Variants in SLC44A1 observed in about 807,000 individuals in gnomAD.
SLC44A1 encodes solute carrier family 44 member 1, also known as choline transporter-like protein 1.
Under a neutral mutation model 79.3 loss-of-function variants are expected in SLC44A1, and 26 were observed. The ratio of observed to expected loss-of-function variants is 0.33; its 90% CI spans 0.24 to 0.46. The LOEUF is 0.46. SLC44A1 is among the 20% of genes least tolerant of loss of function. The pLI, the probability that SLC44A1 is intolerant of heterozygous loss-of-function variation, is 1.00. For synonymous variants in SLC44A1, 263 were observed against 286.2 expected, an observed-to-expected ratio of 0.92 and a Z score of 0.82; for missense variants, 688 against 798.1, an observed-to-expected ratio of 0.86 and a Z score of 1.66.
chr9:105,351,358 AC>A (rs1827398809), intron 5 of SLC44A1, among the ~76,000 whole-genome samples: 1 of 152,044 alleles, frequency 6.6e-6, no homozygotes, highest in Non-Finnish European at 1.5e-5. Flanking sequence ...ACATGGTGGA[AC>A]CTCGTCTCTA....
intron 3 of SLC44A1, among the ~76,000 whole-genome samples, chr9:105,315,277 T>A (rs538131919): frequency 6.6e-6 from 1 of 151,776 alleles, no homozygotes; most frequent in Non-Finnish European, 1.5e-5. Flanking sequence ...GTTTGTTTTT[T>A]TTTTTTTTTT....
At chr9:105,415,539 C>T (rs907839184) in intron 15 of SLC44A1, among the ~76,000 whole-genome samples, 1 of 152,204 alleles carries the variant, frequency 6.6e-6, no homozygotes, top group Non-Finnish European at 1.5e-5. Context: ...TTGGGGTGGT[C>T]GTCCTTGAGA....
chr9:105,245,339 C>T (rs1829410604), intron 1 of SLC44A1, among the ~76,000 whole-genome samples: 1 of 152,268 alleles, frequency 6.6e-6, no homozygotes, highest in African/African-American at 2.4e-5. Flanking sequence ...CTGTGCTCCT[C>T]GCAGGTGTAC....
intron 15 of SLC44A1, among the ~76,000 whole-genome samples, chr9:105,402,939 A>C (rs369281784): frequency 6.7e-6 from 1 of 148,948 alleles, no homozygotes; most frequent in African/African-American, 2.5e-5. Context: ...AGCCTCTAGA[A>C]TAGCTGAGAC....
At chr9:105,273,064 T>C (rs534520285) in intron 1 of SLC44A1, among the ~76,000 whole-genome samples, 9 of 152,174 alleles carry the variant, frequency 5.9e-5, no homozygotes, top group African/African-American at 1.7e-4. Context: ...CGATCTTGGC[T>C]CACTGCAACC....
At chr9:105,280,811 C>T (rs1254829572) in intron 1 of SLC44A1, among the ~76,000 whole-genome samples, 1 of 152,154 alleles carries the variant, frequency 6.6e-6, no homozygotes, top group African/African-American at 2.4e-5. Flanking sequence ...TGCTGATTTC[C>T]ATGGTGTATA....
rs977514663 is a variant in SLC44A1, at chr9:105,245,225, C to G, written c.36+321C>G. On this transcript the variant is annotated intron_variant, in intron 1 of 15. Coordinates refer to ENST00000374720, the MANE Select transcript of SLC44A1 (RefSeq NM_080546.5). ...CGCCCGCCTGCAGGTAGAGGCTGCA[C>G]TGGCGCCTCCTCTGCCCCAGGTGGC... 6.6e-5 allele frequency among the ~76,000 whole-genome samples: 10 copies of G among 152,208 alleles called. 1 individual carries two copies. Among genetic ancestry groups the G allele is most frequent in the Admixed American group, 5.2e-4 (8 of 15,306 alleles).
At position 105,259,076 on chromosome 9, in the gene SLC44A1, G is replaced by A. The variant is rs139745595; in HGVS notation, c.36+14172G>A. Among the ~76,000 whole-genome samples the A allele has an allele frequency of 5.3e-3, 801 of 152,178 alleles. 6 individuals are homozygous for A. Among genetic ancestry groups the A allele is most frequent in the African/African-American group, 0.019 (775 of 41,514 alleles). On this transcript the variant is annotated intron_variant, in intron 1 of 15. Transcript: ENST00000374720. ...CCTCAAACTATAGAGGCCAGGGTAC[G>A]ACAGTTTGGAGCAGAGTCTGAAAGT...
At position 105,323,165 on chromosome 9, in the gene SLC44A1, G is replaced by A. The variant is rs189801629; in HGVS notation, c.270-12398G>A. ...CAGGAGGCAGAGGTTGCAGTGAGCC[G>A]AGATCATGCCATTGCACTACAGCCT... On this transcript the variant is annotated intron_variant, in intron 3 of 15. Transcript: ENST00000374720. Among the ~76,000 whole-genome samples, 96 of 143,212 alleles carry A rather than the reference G, an allele frequency of 6.7e-4. 4 individuals carry two copies. The East Asian group carries it at 0.014, about 21-fold the overall frequency. The allele number at this position is 143,212 out of a possible 152,430, so 94.0% of individuals were successfully genotyped here.
At chr9:105,283,167 G>A (rs533553738) in intron 1 of SLC44A1, among the ~76,000 whole-genome samples, 135 of 152,222 alleles carry the variant, frequency 8.9e-4, no homozygotes, top group African/African-American at 2.9e-3. Context: ...ATCTATTTCC[G>A]GGCATGGAGC....
intron 1 of SLC44A1, among the ~76,000 whole-genome samples, chr9:105,276,279 A>G (rs763431737): frequency 7.2e-5 from 11 of 152,180 alleles, no homozygotes; most frequent in Non-Finnish European, 1.3e-4. Flanking sequence ...ACCTCTTCAA[A>G]TATTTCTTGG....
chr9:105,400,260 G>A (rs1828939570), downstream of SLC44A1, among the ~76,000 whole-genome samples: 1 of 152,136 alleles, frequency 6.6e-6, no homozygotes, highest in Admixed American at 6.6e-5. Flanking sequence ...GGAGGCTGAG[G>A]CAGGTGGATC....
At chr9:105,412,311 A>G (rs1414617902) in intron 15 of SLC44A1, among the ~76,000 whole-genome samples, 5 of 152,144 alleles carry the variant, frequency 3.3e-5, no homozygotes, top group African/African-American at 9.7e-5. Flanking sequence ...TTATGCCCAC[A>G]TTGTCTCAGA....
intron 3 of SLC44A1, among the ~76,000 whole-genome samples, chr9:105,330,197 A>C (rs991060224): frequency 1.6e-4 from 24 of 152,288 alleles, no homozygotes; most frequent in African/African-American, 5.8e-4. Flanking sequence ...TTTGTCTGTC[A>C]GGGATCCCAG....
At chr9:105,308,418 A>G (rs538058044) in intron 2 of SLC44A1, among the ~76,000 whole-genome samples, 3 of 152,344 alleles carry the variant, frequency 2.0e-5, no homozygotes, top group East Asian at 3.9e-4. Context: ...AGTTGAAGCT[A>G]GTGAGTAGCA....
At chr9:105,306,090 T>G (rs1831023987) in intron 2 of SLC44A1, among the ~76,000 whole-genome samples, 1 of 152,172 alleles carries the variant, frequency 6.6e-6, no homozygotes, top group African/African-American at 2.4e-5. Context: ...TCTGTTCCTC[T>G]TCTCTCTCTT....
At chr9:105,338,956 A>G (rs901411130) in intron 4 of SLC44A1, among the ~76,000 whole-genome samples, 1 of 152,224 alleles carries the variant, frequency 6.6e-6, no homozygotes, top group African/African-American at 2.4e-5. Flanking sequence ...TCCATGAAAG[A>G]GCCTAAATGT....
chr9:105,269,295 C>T (rs328020), intron 1 of SLC44A1, among the ~76,000 whole-genome samples: 21,341 of 152,066 alleles, frequency 0.14, 1,973 homozygotes, highest in African/African-American at 0.26. Flanking sequence ...TATTTTTAAA[C>T]ATTTCCTTTC....
intron 14 of SLC44A1, among the ~76,000 whole-genome samples, chr9:105,384,791 G>T (rs958624007): frequency 9.2e-5 from 14 of 152,180 alleles, no homozygotes; most frequent in African/African-American, 2.6e-4. Context: ...GAAGTTCCCC[G>T]TAAACGTTGA....
Sources: allele counts gnomAD v4.1 joint callset (sites outside exome capture counted in the v4.1 genomes callset), GRCh38; gene constraint gnomAD v4.1.1; transcripts MANE v1.5; gene names NCBI Gene and HGNC (gene_info 2026-07-23, HGNC 2026-07-21).